Variants in RUNX1 observed in about 807,000 individuals in gnomAD.
RUNX1 encodes the protein runt-related transcription factor 1.
In RUNX1, 19 loss-of-function variants were observed where a neutral mutation model predicts 42.8. The observed-to-expected ratio is 0.44, with a 90% CI of 0.31 to 0.65. The LOEUF (loss-of-function observed/expected upper bound fraction) is 0.65, where lower values mean the gene tolerates loss of function less well. Ranked by LOEUF, RUNX1 falls within the 30% of genes least tolerant of loss-of-function variation. RUNX1 has a pLI of 0.07. For missense variants in RUNX1, 528 were observed against 672.0 expected, an observed-to-expected ratio of 0.79 and a Z score of 2.37; for synonymous variants, 271 against 289.4, an observed-to-expected ratio of 0.94 and a Z score of 0.64.
chr21:34,863,776 G>A lies in RUNX1; in HGVS notation c.509-4198C>T, dbSNP rs558725369. Among the ~76,000 whole-genome samples the A allele has an allele frequency of 1.7e-4, 26 of 151,948 alleles. No homozygotes were observed. The East Asian group carries it at 4.3e-3, about 25-fold the overall frequency. On this transcript the variant is annotated intron_variant, in intron 5 of 8. Transcript: ENST00000675419. Reference sequence around the variant, plus strand: ...TCACTATGTCAGCCATGCTGGTCTCGAACTCCTGACATTGTGATCCGCCCA... The same window carrying A: ...TCACTATGTCAGCCATGCTGGTCTCAAACTCCTGACATTGTGATCCGCCCA...
intron 2 of RUNX1, among the ~76,000 whole-genome samples, chr21:34,957,014 C>A (rs1484230263): frequency 6.6e-6 from 1 of 152,208 alleles, no homozygotes; most frequent in Non-Finnish European, 1.5e-5. Context: ...CTAGGACAGG[C>A]ACCCACATTG....
chr21:35,009,138 C>T (rs1453824536), intron 2 of RUNX1, among the ~76,000 whole-genome samples: 2 of 152,156 alleles, frequency 1.3e-5, no homozygotes, highest in African/African-American at 2.4e-5. Flanking sequence ...CCTGTGCCAA[C>T]TCCACTGCAC....
intron 2 of RUNX1, among the ~76,000 whole-genome samples, chr21:34,905,222 G>T (rs972360162): frequency 3.9e-5 from 6 of 152,210 alleles, no homozygotes; most frequent in African/African-American, 1.4e-4. Context: ...AACATGAAAT[G>T]AAGTGCAAGA....
intron 2 of RUNX1, among the ~76,000 whole-genome samples, chr21:34,986,747 T>A (rs1007107903): frequency 1.3e-5 from 2 of 151,846 alleles, no homozygotes; most frequent in South Asian, 2.1e-4. Context: ...CAAGGAAGGA[T>A]CCTCTCCTGG....
intron 2 of RUNX1, among the ~76,000 whole-genome samples, chr21:34,942,424 G>A (rs1038840302): frequency 6.6e-6 from 1 of 152,110 alleles, no homozygotes; most frequent in Admixed American, 6.6e-5. Context: ...TTCACTTGCA[G>A]GTTTCATAGT....
At chr21:34,939,676 A>G (rs1396533499) in intron 2 of RUNX1, among the ~76,000 whole-genome samples, 5 of 152,168 alleles carry the variant, frequency 3.3e-5, no homozygotes, top group Admixed American at 6.5e-5. Context: ...ACCTAAAAAA[A>G]CCTTTCCATC....
At chr21:34,856,210 A>G (rs767961046) in intron 6 of RUNX1, 141 of 404,296 alleles carry the variant, frequency 3.5e-4, no homozygotes, top group Non-Finnish European at 6.0e-4. Flanking sequence ...CTCAGTCCTT[A>G]ACTTAGTCAG....
chr21:34,827,967 CAA>C (rs2057012043), intron 7 of RUNX1, among the ~76,000 whole-genome samples: 1 of 152,244 alleles, frequency 6.6e-6, no homozygotes, highest in African/African-American at 2.4e-5. Flanking sequence ...GAAGCTGCCA[CAA>C]AGAGTCCCCA....
rs551278202 is a variant in RUNX1, at chr21:34,896,735, TGGCCCAAA to T, written c.59-3780_59-3773del. On this transcript the variant is annotated intron_variant, in intron 2 of 8. Transcript: ENST00000675419. ...AAATGCCAGCTTTGGAGGAAAACCATGGCCCAAAGGCCACAAAGGGGCCATGAAAACAA... is the reference window on the plus strand; with the variant it reads ...AAATGCCAGCTTTGGAGGAAAACCATGGCCACAAAGGGGCCATGAAAACAA... Among the ~76,000 whole-genome samples the T allele has an allele frequency of 4.9e-4, 75 of 152,154 alleles. No homozygotes were observed. In the South Asian group the frequency reaches 7.9e-3, roughly 16 times the overall value.
At chr21:34,935,425 T>C (rs1284260148) in intron 2 of RUNX1, among the ~76,000 whole-genome samples, 1 of 152,180 alleles carries the variant, frequency 6.6e-6, no homozygotes, top group Non-Finnish European at 1.5e-5. Flanking sequence ...ATACGGTATA[T>C]GGAAGTTGAA....
chr21:34,991,037 C>G (rs1323007619), intron 2 of RUNX1, among the ~76,000 whole-genome samples: 1 of 152,206 alleles, frequency 6.6e-6, no homozygotes, highest in African/African-American at 2.4e-5. Context: ...TTCAAGGGAA[C>G]GCTGTGTCAT....
chr21:35,025,915 G>C (rs1229387559), intron 2 of RUNX1, among the ~76,000 whole-genome samples: 16 of 152,090 alleles, frequency 1.1e-4, no homozygotes, highest in Non-Finnish European at 2.9e-5. Flanking sequence ...ATGAACACAG[G>C]AAGATTAAGG....
chr21:34,995,918 G>A lies in RUNX1; in HGVS notation c.58+52924C>T, dbSNP rs78994330. Among the ~76,000 whole-genome samples the A allele has an allele frequency of 1.7e-3, 259 of 151,964 alleles. 2 individuals carry two copies. Among genetic ancestry groups the A allele is most frequent in the African/African-American group, 5.5e-3 (229 of 41,508 alleles). ...TAGGTGTATGTGTGTGTATATGTAC[G>A]TGTTTCTTTTTATACTTGGCTTTTT... On this transcript the variant is annotated intron_variant, in intron 2 of 8. Transcript: ENST00000675419.
chr21:34,885,934 T>C (rs2057978526), intron 4 of RUNX1, among the ~76,000 whole-genome samples: 1 of 152,202 alleles, frequency 6.6e-6, no homozygotes, highest in Non-Finnish European at 1.5e-5. Flanking sequence ...AGTAGGGTGA[T>C]TGTTTAGAAA....
At chr21:34,847,933 T>C (rs2057340307) in intron 6 of RUNX1, among the ~76,000 whole-genome samples, 1 of 151,926 alleles carries the variant, frequency 6.6e-6, no homozygotes, top group African/African-American at 2.4e-5. Context: ...TTTTTCTTCT[T>C]TTTTTTTAAG....
chr21:35,010,476 T>C (rs75624357), intron 2 of RUNX1, among the ~76,000 whole-genome samples: 132 of 152,272 alleles, frequency 8.7e-4, no homozygotes, highest in African/African-American at 3.0e-3. Context: ...CGAGAATGTT[T>C]TTGCCTGGCT....
chr21:34,891,565 T>C (rs1309120404), intron 3 of RUNX1, among the ~76,000 whole-genome samples: 14 of 152,130 alleles, frequency 9.2e-5, no homozygotes, highest in Non-Finnish European at 2.9e-5. Flanking sequence ...GGAATTCCTT[T>C]CCACCAAGAG....
At chr21:34,948,189 T>C (rs1010634390) in intron 2 of RUNX1, among the ~76,000 whole-genome samples, 1 of 151,984 alleles carries the variant, frequency 6.6e-6, no homozygotes, top group Non-Finnish European at 1.5e-5. Flanking sequence ...CATTTCTTCA[T>C]ATAAATTAAA....
chr21:34,895,414 A>G (rs1334335327), intron 2 of RUNX1, among the ~76,000 whole-genome samples: 2 of 152,142 alleles, frequency 1.3e-5, no homozygotes, highest in Non-Finnish European at 2.9e-5. Context: ...CTGTTGGTGG[A>G]CACATGTCCA....
Sources: allele counts gnomAD v4.1 joint callset (sites outside exome capture counted in the v4.1 genomes callset), GRCh38; gene constraint gnomAD v4.1.1; transcripts MANE v1.5; gene names NCBI Gene and HGNC (gene_info 2026-07-23, HGNC 2026-07-21).